Variants in BRSK2 observed in about 807,000 individuals in gnomAD.
The protein encoded by BRSK2 is BR serine/threonine kinase 2.
Under a neutral mutation model 83.3 loss-of-function variants are expected in BRSK2, and 19 were observed. The observed-to-expected ratio is 0.23, with a 90% CI of 0.16 to 0.33. The LOEUF (loss-of-function observed/expected upper bound fraction) is 0.33. Ranked by LOEUF, BRSK2 falls within the 10% of genes least tolerant of loss-of-function variation. BRSK2 has a pLI of 1.00. For synonymous variants in BRSK2, 519 were observed against 435.4 expected, an observed-to-expected ratio of 1.19 and a Z score of -2.39; for missense variants, 798 against 1,042.3, an observed-to-expected ratio of 0.77 and a Z score of 3.23.
chr11:1,402,165 G>T (rs1222120457), intron 1 of BRSK2, among the ~76,000 whole-genome samples: 2 of 152,192 alleles, frequency 1.3e-5, no homozygotes, highest in African/African-American at 2.4e-5. Context: ...GCAGCCTGGG[G>T]AAGGCTGGGG....
At chr11:1,436,832 G>A (rs534452134) in intron 2 of BRSK2, among the ~76,000 whole-genome samples, 4 of 152,044 alleles carry the variant, frequency 2.6e-5, no homozygotes, top group Non-Finnish European at 5.9e-5. Context: ...GCAGGGCTGC[G>A]GGTGGGGCAG....
At chr11:1,396,783 C>A (rs971526817) in intron 1 of BRSK2, among the ~76,000 whole-genome samples, 1 of 152,184 alleles carries the variant, frequency 6.6e-6, no homozygotes, top group Non-Finnish European at 1.5e-5. Flanking sequence ...CCGTGACTGC[C>A]GGCCGCCGGC....
rs544449476 is a variant in BRSK2 at position 1,418,905 on chromosome 11, TG to T, written c.92-17132del. On this transcript the variant is annotated intron_variant, in intron 1 of 19. Coordinates refer to ENST00000528841, the MANE Select transcript of BRSK2 (RefSeq NM_001256627.2). ...ACACATATCCAAGGGACTGAACCCC[TG>T]GGTGGGGAAGTTTTTTCTTTTTTTT... Among the ~76,000 whole-genome samples the T allele has an allele frequency of 1.5e-3, 225 of 152,336 alleles. 1 individual carries two copies. The highest frequency in any genetic ancestry group is 5.5e-3 in the Admixed American group (84 of 15,312).
chr11:1,392,244 A>T (rs1005116058), intron 1 of BRSK2, among the ~76,000 whole-genome samples: 4 of 152,150 alleles, frequency 2.6e-5, no homozygotes, highest in Admixed American at 2.6e-4. Context: ...CAAGAGGGAG[A>T]TAGGCTTCCT....
intron 13 of BRSK2, 139 bp downstream of exon 13, chr11:1,449,975 G>A (rs1013719815): frequency 2.6e-5 from 16 of 618,636 alleles, no homozygotes; most frequent in African/African-American, 7.4e-5. Context: ...CTCCTGTGGC[G>A]GCTGCTGCTC....
rs368988895 is a variant in BRSK2 at position 1,443,481 on chromosome 11, G to A, written c.634-8G>A. 16 of 1,581,844 alleles carry A rather than the reference G, an allele frequency of 1.0e-5. No homozygotes were observed. The Admixed American group carries it at 1.4e-4, about 14-fold the overall frequency. On this transcript the variant is annotated splice_region_variant and splice_polypyrimidine_tract_variant and intron_variant, in intron 7 of 19. Transcript: ENST00000528841. ...CCCACGCTGACCCCCACACCCGGCCGCCCGCAGGGGGCTCTGCCCTTCGAC... is the reference window on the plus strand; with the variant it reads ...CCCACGCTGACCCCCACACCCGGCCACCCGCAGGGGGCTCTGCCCTTCGAC...
rs550621788 is a variant in BRSK2, at chr11:1,415,155, C to T, written c.92-20885C>T. On this transcript the variant is annotated intron_variant, in intron 1 of 19. Coordinates refer to ENST00000528841, the MANE Select transcript of BRSK2 (RefSeq NM_001256627.2). ...TGTTGCCCAGGATGGAGTGCAGTGG[C>T]GTGATCTCGGCTCACTGCAAGCTCC... Among the ~76,000 whole-genome samples the T allele has an allele frequency of 8.5e-5, 12 of 141,256 alleles. No individual in the cohort carries two copies. In the South Asian group the frequency reaches 2.3e-3, roughly 27 times the overall value. 92.7% of individuals were successfully genotyped at this position (141,256 alleles called of 152,430 possible).
chr11:1,455,039 C>T (rs1846312602), intron 16 of BRSK2, among the ~76,000 whole-genome samples: 1 of 152,136 alleles, frequency 6.6e-6, no homozygotes, highest in Non-Finnish European at 1.5e-5. Context: ...CAGCCCCAGC[C>T]CTCAGGTGTC....
chr11:1,395,876 C>T (rs1191154423), intron 1 of BRSK2, among the ~76,000 whole-genome samples: 1 of 152,218 alleles, frequency 6.6e-6, no homozygotes, highest in East Asian at 1.9e-4. Context: ...CCCGCCTGCT[C>T]CACCATCTGC....
intron 15 of BRSK2, among the ~76,000 whole-genome samples, chr11:1,452,283 A>G (rs962286582): frequency 2.6e-5 from 4 of 152,190 alleles, no homozygotes; most frequent in African/African-American, 9.7e-5. Flanking sequence ...GATTCCACCC[A>G]GTGGCCTTTC....
chr11:1,450,589 G>A lies in BRSK2; in HGVS notation c.1290G>A (p.Val430=). Reference sequence around the variant, plus strand: ...CCAAATCTGTCCCCACCATACAGGTGACCCCTCACCCCTCACCAAGGGGCA... The same window carrying A: ...CCAAATCTGTCCCCACCATACAGGTAACCCCTCACCCCTCACCAAGGGGCA... ...LSTSPLSSPR[V]TPHPSPRGSP... is the part of the protein sequence containing the mutation. The change falls in exon 14 of 20, where the codon GTG becomes GTA. Residue 430 remains valine, a splice_region_variant and synonymous_variant. Coordinates refer to ENST00000528841, the MANE Select transcript of BRSK2 (RefSeq NM_001256627.2). The A allele has an allele frequency of 6.4e-7, 1 of 1,560,374 alleles. No individual in the cohort carries two copies. The highest frequency in any genetic ancestry group is 8.7e-7 in the Non-Finnish European group (1 of 1,150,356).
intron 1 of BRSK2, among the ~76,000 whole-genome samples, chr11:1,409,201 C>G (rs972947641): frequency 3.9e-5 from 6 of 152,192 alleles, no homozygotes; most frequent in African/African-American, 1.4e-4. Flanking sequence ...TCCCCTTCAC[C>G]CCTTGCAGCC....
intron 3 of BRSK2, among the ~76,000 whole-genome samples, chr11:1,439,002 C>G (rs982857250): frequency 6.6e-6 from 1 of 152,208 alleles, no homozygotes; most frequent in African/African-American, 2.4e-5. Context: ...GCAGTCTCCT[C>G]TGTGTGCTCT....
chr11:1,441,115 C>CCA (rs1564847231), intron 4 of BRSK2, among the ~76,000 whole-genome samples, 187 bp downstream of exon 4: 9 of 144,188 alleles, frequency 6.2e-5, no homozygotes, highest in Non-Finnish European at 9.1e-5. Context: ...CTCAAGTGCA[C>CCA]TGTCCCCTCC....
chr11:1,445,101 G>C (rs1408151100), intron 9 of BRSK2, 99 bp downstream of exon 9: 15 of 1,538,130 alleles, frequency 9.8e-6, no homozygotes, highest in Non-Finnish European at 1.2e-5. Context: ...GCCCAGCGCA[G>C]GTCCTGCCCT....
rs953440551 is a variant in BRSK2 at position 1,390,921 on chromosome 11, C to G, written c.91+546C>G. Among the ~76,000 whole-genome samples the G allele has an allele frequency of 6.6e-6, 1 of 152,174 alleles. No individual in the cohort carries two copies. The highest frequency in any genetic ancestry group is 2.4e-5 in the African/African-American group (1 of 41,460). ...GCAGAGGGCTGGACAGCGCCTTGCG[C>G]TGCTCCGGCTCGGGCTCGGGCGGGC... is the stretch of plus-strand genomic sequence containing the variant. On this transcript the variant is annotated intron_variant, in intron 1 of 19. Coordinates refer to ENST00000528841, the MANE Select transcript of BRSK2 (RefSeq NM_001256627.2). This position sits in a 1 kb window ranked among gnomAD's most constrained non-coding sequence, Gnocchi z 6.8.
At chr11:1,402,680 G>A (rs1419770067) in intron 1 of BRSK2, among the ~76,000 whole-genome samples, 1 of 152,208 alleles carries the variant, frequency 6.6e-6, no homozygotes, top group Non-Finnish European at 1.5e-5. Flanking sequence ...ACTGGCAGAG[G>A]GCCAGGACTC....
chr11:1,439,558 G>T (rs1193366426), intron 3 of BRSK2, among the ~76,000 whole-genome samples: 3 of 152,064 alleles, frequency 2.0e-5, no homozygotes, highest in African/African-American at 7.2e-5. Flanking sequence ...GGGGGGGATG[G>T]GCACAGCAGG....
chr11:1,456,545 A>C lies in BRSK2; in HGVS notation c.1849+17A>C, dbSNP rs754515163. ...TGCTCTCAGGTGAGCTGGCGCCCCC[A>C]GGGCGGCTCCGGGCCCAGGCCCGTC... On this transcript the variant is annotated intron_variant, in intron 17 of 19. Coordinates refer to ENST00000528841, the MANE Select transcript of BRSK2 (RefSeq NM_001256627.2). 2.5e-6 allele frequency: 4 copies of C among 1,596,826 alleles called. No individual in the cohort carries two copies. In the East Asian group the frequency reaches 9.0e-5, roughly 36 times the overall value.
Sources: allele counts gnomAD v4.1 joint callset (sites outside exome capture counted in the v4.1 genomes callset), GRCh38; gene constraint gnomAD v4.1.1; non-coding constraint Gnocchi (gnomAD v3.1); transcripts MANE v1.5; gene names NCBI Gene and HGNC (gene_info 2026-07-23, HGNC 2026-07-21).